LAMA3: variants seen among roughly 807,000 people sequenced by gnomAD.
LAMA3 encodes laminin subunit alpha-3.
A neutral mutation model predicts 402.0 loss-of-function variants in LAMA3; 281 were observed. That is an observed-to-expected ratio of 0.70 (90% CI 0.63 to 0.77). The LOEUF (loss-of-function observed/expected upper bound fraction) is 0.77, where lower values mean the gene tolerates loss of function less well. Among genes scored for constraint, LAMA3 ranks in the 30% least tolerant of loss-of-function variants. The pLI is 0.00. For synonymous variants in LAMA3, 1,431 were observed against 1,558.4 expected, an observed-to-expected ratio of 0.92 and a Z score of 1.93; for missense variants, 3,840 against 4,215.5, an observed-to-expected ratio of 0.91 and a Z score of 2.47.
intron 8 of LAMA3, among the ~76,000 whole-genome samples, chr18:23,771,430 G>A (rs2062195955): frequency 1.3e-5 from 2 of 152,182 alleles, no homozygotes; most frequent in Admixed American, 6.5e-5. Context: ...GACTGTGAAG[G>A]GGAAAGAGGA....
At chr18:23,890,463 T>C (rs2080620956) in intron 42 of LAMA3, among the ~76,000 whole-genome samples, 1 of 152,224 alleles carries the variant, frequency 6.6e-6, no homozygotes, top group Non-Finnish European at 1.5e-5. Context: ...TGTAGGGTTA[T>C]TGTCTCATCA....
chr18:23,899,558 A>G, intron 47 of LAMA3, 103 bp downstream of exon 47: 1 of 1,190,228 alleles, frequency 8.4e-7, no homozygotes, highest in Non-Finnish European at 1.2e-6. Context: ...GGAAGGCCTC[A>G]TGGTTTCAGC....
At chr18:23,737,737 T>C (rs2061499373) in intron 2 of LAMA3, among the ~76,000 whole-genome samples, 1 of 152,266 alleles carries the variant, frequency 6.6e-6, no homozygotes, top group African/African-American at 2.4e-5. Flanking sequence ...AGAGGATTCC[T>C]GCTGCAGGTG....
intron 67 of LAMA3, among the ~76,000 whole-genome samples, chr18:23,937,371 C>CAAAAAAAAA (rs58274189): frequency 1.1e-5 from 1 of 92,918 alleles, no homozygotes; most frequent in South Asian, 3.8e-4. Context: ...TTCTCAAAAG[C>CAAAAAAAAA]AAAAAAAAAA....
intron 19 of LAMA3, among the ~76,000 whole-genome samples, chr18:23,821,074 T>C (rs2063276473): frequency 6.6e-6 from 1 of 152,230 alleles, no homozygotes; most frequent in Admixed American, 6.5e-5. Flanking sequence ...CATAATAAGA[T>C]GTGAATGACT....
At chr18:23,920,910 C>T in intron 60 of LAMA3, 25 bp from the exon 61 acceptor site, 2 of 1,613,346 alleles carry the variant, frequency 1.2e-6, no homozygotes, top group South Asian at 2.2e-5. Flanking sequence ...GCCTTCTGGT[C>T]ATCTGCATTG....
intron 6 of LAMA3, among the ~76,000 whole-genome samples, 195 bp downstream of exon 6, chr18:23,754,007 T>G (rs1358314059): frequency 6.6e-6 from 1 of 152,126 alleles, no homozygotes; most frequent in Non-Finnish European, 1.5e-5. Flanking sequence ...CTATAGGCCC[T>G]GGCAGACACG....
intron 24 of LAMA3, chr18:23,834,507 A>G (rs2063546131): frequency 5.7e-6 from 1 of 174,644 alleles, no homozygotes; most frequent in East Asian, 1.5e-4. Context: ...TTCTCTTCCA[A>G]GAGCACTAAC....
Position 23,879,639 on chromosome 18 carries a change from C to T in LAMA3, c.5113-2297C>T, listed in dbSNP as rs759795662. 3.3e-5 allele frequency among the ~76,000 whole-genome samples: 5 copies of T among 152,268 alleles called. No homozygotes were observed. The highest frequency in any genetic ancestry group is 1.3e-4 in the Admixed American group (2 of 15,298). On this transcript the variant is annotated intron_variant, in intron 39 of 74. Coordinates refer to ENST00000313654, the MANE Select transcript of LAMA3 (RefSeq NM_198129.4). This position sits in a 1 kb window ranked among gnomAD's most constrained non-coding sequence, Gnocchi z 4.2. Reference sequence around the variant, plus strand: ...GGAGAGCACGTGCCATGGGAGTGGACGTGGGCTTCTGCAGCATTCGTTCAT... The same window carrying T: ...GGAGAGCACGTGCCATGGGAGTGGATGTGGGCTTCTGCAGCATTCGTTCAT...
chr18:23,807,747 C>T (rs978729515), intron 12 of LAMA3, among the ~76,000 whole-genome samples: 3 of 152,180 alleles, frequency 2.0e-5, no homozygotes, highest in Admixed American at 2.0e-4. Context: ...AGATAATCTG[C>T]TTTACTCAAA....
At chr18:23,790,622 A>G (rs2062630941) in intron 12 of LAMA3, among the ~76,000 whole-genome samples, 1 of 152,228 alleles carries the variant, frequency 6.6e-6, no homozygotes, top group African/African-American at 2.4e-5. Flanking sequence ...TCGGACTTTC[A>G]AATAGTTATA....
intron 8 of LAMA3, among the ~76,000 whole-genome samples, chr18:23,764,790 G>T (rs1024280096): frequency 6.6e-6 from 1 of 152,050 alleles, no homozygotes; most frequent in Non-Finnish European, 1.5e-5. Flanking sequence ...GTACATTTTA[G>T]CAGCATAATT....
At chr18:23,890,748 C>G (rs2080631816) in intron 42 of LAMA3, among the ~76,000 whole-genome samples, 1 of 152,168 alleles carries the variant, frequency 6.6e-6, no homozygotes, top group African/African-American at 2.4e-5. Context: ...TATTTATGGA[C>G]AAGTTGAAGA....
At chr18:23,779,597 G>C (rs1010073179) in intron 11 of LAMA3, among the ~76,000 whole-genome samples, 1 of 152,130 alleles carries the variant, frequency 6.6e-6, no homozygotes, top group Non-Finnish European at 1.5e-5. Flanking sequence ...GGCCAGAGGC[G>C]GGGTGGGTGG....
intron 12 of LAMA3, among the ~76,000 whole-genome samples, chr18:23,799,525 C>G (rs2062829314): frequency 6.6e-6 from 1 of 152,172 alleles, no homozygotes; most frequent in Non-Finnish European, 1.5e-5. Context: ...TTCTCGCTCC[C>G]CAGACAACCC....
chr18:23,793,370 A>G (rs1027524036), intron 12 of LAMA3, among the ~76,000 whole-genome samples: 1 of 152,054 alleles, frequency 6.6e-6, no homozygotes, highest in African/African-American at 2.4e-5. Flanking sequence ...AGGCCCCAAG[A>G]TGTCAAAGCA....
intron 33 of LAMA3, 108 bp from the exon 34 acceptor site, chr18:23,858,581 A>T: frequency 9.8e-7 from 1 of 1,025,290 alleles, no homozygotes; most frequent in Non-Finnish European, 1.6e-6. Context: ...TTTTGCTCAC[A>T]TCCTCATCCT....
intron 66 of LAMA3, among the ~76,000 whole-genome samples, chr18:23,933,165 A>T (rs970098667): frequency 6.6e-6 from 1 of 152,190 alleles, no homozygotes; most frequent in Non-Finnish European, 1.5e-5. Context: ...ATCATTCAGT[A>T]TCATCCAGTG....
At chr18:23,703,285 G>A (rs1196284012) in intron 1 of LAMA3, among the ~76,000 whole-genome samples, 2 of 152,192 alleles carry the variant, frequency 1.3e-5, no homozygotes, top group Non-Finnish European at 2.9e-5. Flanking sequence ...CTTCATGGAT[G>A]ACATCTCATT....
Sources: gnomAD v4.1 joint callset for allele counts (sites outside exome capture counted in the v4.1 genomes callset) on GRCh38, gnomAD v4.1.1 for gene constraint, Gnocchi (gnomAD v3.1) non-coding constraint, MANE v1.5 for transcripts, NCBI Gene and HGNC (gene_info 2026-07-23, HGNC 2026-07-21) for gene names.